The following PSD3 variants were observed in gnomAD, a reference collection of about 807,000 sequenced individuals.
PSD3 encodes PH and SEC7 domain-containing protein 3.
A neutral mutation model predicts 105.5 loss-of-function variants in PSD3; 49 were observed. The observed-to-expected ratio is 0.46, with a 90% CI of 0.37 to 0.59. The LOEUF is 0.59. Ranked by LOEUF, PSD3 falls within the 20% of genes least tolerant of loss-of-function variation. PSD3 has a pLI of 0.00. For synonymous variants in PSD3, 557 were observed against 457.8 expected (o/e 1.22, Z -2.77); for missense variants, 1,561 against 1,263.8 (o/e 1.24, Z -3.57).
Position 18,843,885 on chromosome 8 carries a change from G to T in PSD3, c.1634+23789C>A, listed in dbSNP as rs370924678. On this transcript the variant is annotated intron_variant, in intron 4 of 15. Transcript: ENST00000327040. ...TCCTGACAATATCTCCAGGAAGTAG[G>T]TCTTCTATAACCACTTTATAAGATA... is the stretch of plus-strand genomic sequence containing the variant. 2.1e-4 allele frequency among the ~76,000 whole-genome samples: 31 copies of T among 150,880 alleles called. No homozygotes were observed. In the South Asian group the frequency reaches 6.1e-3, roughly 30 times the overall value.
At chr8:18,635,718 A>C (rs1388122140) in intron 10 of PSD3, among the ~76,000 whole-genome samples, 1 of 152,096 alleles carries the variant, frequency 6.6e-6, no homozygotes, top group Non-Finnish European at 1.5e-5. Flanking sequence ...AAAAGAATGA[A>C]TTCATGTCCT....
chr8:18,547,137 A>G (rs1158514851), intron 15 of PSD3, among the ~76,000 whole-genome samples: 2 of 152,112 alleles, frequency 1.3e-5, no homozygotes, highest in African/African-American at 4.8e-5. Context: ...CCACCCATGT[A>G]AGCCTGGTGG....
At chr8:18,890,195 T>C (rs1243460264) in intron 2 of PSD3, among the ~76,000 whole-genome samples, 1 of 152,194 alleles carries the variant, frequency 6.6e-6, no homozygotes, top group South Asian at 2.1e-4. Flanking sequence ...TAATTCCTTA[T>C]GTAAAGTAAC....
intron 8 of PSD3, among the ~76,000 whole-genome samples, chr8:18,798,634 G>C (rs1340103481): frequency 2.0e-5 from 3 of 152,034 alleles, no homozygotes; most frequent in African/African-American, 4.8e-5. Context: ...AATACAATCA[G>C]AATTCGTTAA....
At chr8:18,684,776 G>A (rs890753232) in intron 9 of PSD3, among the ~76,000 whole-genome samples, 2 of 152,144 alleles carry the variant, frequency 1.3e-5, no homozygotes, top group African/African-American at 4.8e-5. Flanking sequence ...TTTCAATATG[G>A]CACAGAGTGA....
intron 12 of PSD3, among the ~76,000 whole-genome samples, chr8:18,593,328 C>G (rs1263101027): frequency 2.0e-5 from 3 of 152,182 alleles, no homozygotes; most frequent in Admixed American, 6.5e-5. Context: ...TGAACAGACA[C>G]TTCTCAAAAG....
At chr8:18,705,794 G>A (rs1430313012) in intron 9 of PSD3, among the ~76,000 whole-genome samples, 2 of 152,060 alleles carry the variant, frequency 1.3e-5, no homozygotes, top group African/African-American at 4.8e-5. Flanking sequence ...GCCTTTGGAG[G>A]GGAATGAGTA....
chr8:18,969,826 T>C (rs1030310597), intron 1 of PSD3, among the ~76,000 whole-genome samples: 8 of 152,188 alleles, frequency 5.3e-5, no homozygotes, highest in Admixed American at 1.3e-4. Context: ...TCCATCATTA[T>C]GGGTCTGTAG....
chr8:18,563,137 T>C (rs537549800), intron 14 of PSD3, among the ~76,000 whole-genome samples: 1 of 152,080 alleles, frequency 6.6e-6, no homozygotes, highest in East Asian at 1.9e-4. Context: ...CCTTAAATCC[T>C]CCAGTATCCA....
intron 10 of PSD3, among the ~76,000 whole-genome samples, chr8:18,648,635 A>C (rs1808236058): frequency 6.6e-6 from 1 of 152,238 alleles, no homozygotes; most frequent in Non-Finnish European, 1.5e-5. Flanking sequence ...AATTTGCTTT[A>C]CTAAAAGGCA....
intron 1 of PSD3, among the ~76,000 whole-genome samples, chr8:18,975,503 G>C (rs17127571): frequency 0.059 from 9,001 of 152,086 alleles, 918 homozygotes; most frequent in African/African-American, 0.21. Context: ...CTAGAGATAA[G>C]TCACTTGGCT....
intron 12 of PSD3, among the ~76,000 whole-genome samples, chr8:18,581,023 C>G (rs1382851909): frequency 6.6e-6 from 1 of 152,128 alleles, no homozygotes; most frequent in African/African-American, 2.4e-5. Flanking sequence ...CAGAGACTGG[C>G]AGGGACAGAC....
intron 13 of PSD3, among the ~76,000 whole-genome samples, chr8:18,573,421 G>A (rs1159237712): frequency 6.6e-6 from 1 of 152,156 alleles, no homozygotes; most frequent in Non-Finnish European, 1.5e-5. Flanking sequence ...AGTGAGCAGA[G>A]ATCACGCCAC....
chr8:19,072,576 A>G (rs2129477988), intron 1 of PSD3, among the ~76,000 whole-genome samples: 1 of 152,278 alleles, frequency 6.6e-6, no homozygotes, highest in South Asian at 2.1e-4. Context: ...AAGAAAAATC[A>G]TTTCTATTCA....
chr8:19,046,952 C>A (rs778794632), intron 1 of PSD3, among the ~76,000 whole-genome samples: 9 of 152,172 alleles, frequency 5.9e-5, no homozygotes, highest in Non-Finnish European at 1.2e-4. Context: ...TGGGTTGTAC[C>A]ATATACTACC....
rs28517407 is a variant in PSD3, at chr8:18,800,320, T to C, written c.2023+950A>G. ...TAGTGAATAACTGGTCTGAATAGCA[T>C]CAGTTTACCGATAGGAATGTGACCT... is the stretch of plus-strand genomic sequence containing the variant. On this transcript the variant is annotated intron_variant, in intron 7 of 15. Transcript: ENST00000327040. Among the ~76,000 whole-genome samples, 824 of 152,340 alleles carry C rather than the reference T, an allele frequency of 5.4e-3. 12 individuals are homozygous for C. Among genetic ancestry groups the C allele is most frequent in the African/African-American group, 0.019 (792 of 41,584 alleles).
At chr8:18,847,167 G>A (rs140769277) in intron 4 of PSD3, among the ~76,000 whole-genome samples, 10 of 152,272 alleles carry the variant, frequency 6.6e-5, no homozygotes, top group African/African-American at 2.4e-4. Flanking sequence ...CCTCTGAAAA[G>A]GGATGGAGAA....
chr8:18,707,488 C>A (rs1251954876), intron 9 of PSD3, among the ~76,000 whole-genome samples: 4 of 152,168 alleles, frequency 2.6e-5, no homozygotes, highest in Admixed American at 6.6e-5. Flanking sequence ...GACAGCCCCA[C>A]AACACACACA....
intron 1 of PSD3, among the ~76,000 whole-genome samples, chr8:19,079,358 A>C (rs909526824): frequency 1.3e-5 from 2 of 152,236 alleles, no homozygotes; most frequent in African/African-American, 4.8e-5. Flanking sequence ...TGGATGTTTC[A>C]CTGCACATTT....
Sources: gnomAD v4.1 joint callset for allele counts (sites outside exome capture counted in the v4.1 genomes callset) on GRCh38, gnomAD v4.1.1 for gene constraint, MANE v1.5 for transcripts, NCBI Gene and HGNC (gene_info 2026-07-23, HGNC 2026-07-21) for gene names.